ADGRL2: variants seen among roughly 807,000 people sequenced by gnomAD.
ADGRL2 encodes calcium-independent alpha-latrotoxin receptor 2.
In ADGRL2, 44 loss-of-function variants were observed where a neutral mutation model predicts 157.4. The ratio of observed to expected loss-of-function variants is 0.28; its 90% CI spans 0.22 to 0.36. The LOEUF (loss-of-function observed/expected upper bound fraction) is 0.36, where lower values mean the gene tolerates loss of function less well. Among genes scored for constraint, ADGRL2 ranks in the 10% least tolerant of loss-of-function variants. ADGRL2 has a pLI of 1.00. For missense variants in ADGRL2, 1,510 were observed against 1,768.9 expected, an observed-to-expected ratio of 0.85 and a Z score of 2.63; for synonymous variants, 585 against 624.7, an observed-to-expected ratio of 0.94 and a Z score of 0.95.
intron 2 of ADGRL2, chr1:81,503,586 T>G (rs1476360058): frequency 8.2e-7 from 1 of 1,213,210 alleles, no homozygotes; most frequent in Non-Finnish European, 1.2e-6. Flanking sequence ...GGCCAGACAT[T>G]GAGAGTTTGG....
intron 1 of ADGRL2, among the ~76,000 whole-genome samples, chr1:81,821,919 C>G (rs2091017356): frequency 6.6e-6 from 1 of 151,048 alleles, no homozygotes; most frequent in Admixed American, 6.6e-5. Context: ...GGAATGGTGG[C>G]AAGTTAGGAT....
chr1:81,658,726 A>G (rs1350211587), intron 3 of ADGRL2, among the ~76,000 whole-genome samples: 4 of 152,062 alleles, frequency 2.6e-5, no homozygotes, highest in African/African-American at 9.7e-5. Flanking sequence ...TTAATATGCA[A>G]CTAGCTCTAT....
intron 5 of ADGRL2, among the ~76,000 whole-genome samples, chr1:81,942,594 G>A (rs1397565115): frequency 6.6e-6 from 1 of 151,770 alleles, no homozygotes; most frequent in Non-Finnish European, 1.5e-5. Flanking sequence ...GTGAAGTAGG[G>A]GGTTGAAAGG....
intron 1 of ADGRL2, among the ~76,000 whole-genome samples, chr1:81,347,506 T>A (rs575992912): frequency 6.6e-6 from 1 of 152,292 alleles, no homozygotes; most frequent in South Asian, 2.1e-4. Flanking sequence ...GACTGAATTG[T>A]TTCCTAGTAT....
chr1:81,443,176 T>A (rs534490742), intron 1 of ADGRL2, among the ~76,000 whole-genome samples: 26 of 152,288 alleles, frequency 1.7e-4, no homozygotes, highest in Middle Eastern at 3.4e-3. Context: ...ATCCCAGCAC[T>A]TTGGGAGGCC....
intron 3 of ADGRL2, among the ~76,000 whole-genome samples, chr1:81,657,607 C>CACAAGTCAATTACA (rs1553136261): frequency 6.6e-6 from 1 of 152,090 alleles, no homozygotes; most frequent in East Asian, 1.9e-4. Context: ...CCAGGAGAAA[C>CACAAGTCAATTACA]AGAGTCAATT....
At chr1:81,840,276 T>G (rs546140702) in intron 2 of ADGRL2, among the ~76,000 whole-genome samples, 2 of 152,198 alleles carry the variant, frequency 1.3e-5, no homozygotes, top group African/African-American at 4.8e-5. Flanking sequence ...GGCAACTAAT[T>G]AAGATTTTGT....
chr1:81,834,309 C>A lies in ADGRL2; in HGVS notation c.-100-2576C>A, dbSNP rs572537283. 5.3e-5 allele frequency among the ~76,000 whole-genome samples: 8 copies of A among 152,188 alleles called. No individual in the cohort carries two copies. In the South Asian group the frequency reaches 1.7e-3, roughly 32 times the overall value. On this transcript the variant is annotated intron_variant, in intron 1 of 23. Coordinates refer to ENST00000686636, the MANE Select transcript of ADGRL2 (RefSeq NM_001366006.2). ...GTTTGTTGAAAGGAAATTTAATAGA[C>A]CTTTTCTGGTTTTGTTATTTGTTTT... is the stretch of plus-strand genomic sequence containing the variant.
Position 81,981,754 on chromosome 1 carries a change from A to T in ADGRL2, c.3114-54A>T. The T allele has an allele frequency of 3.0e-6, 4 of 1,354,438 alleles. No individual in the cohort carries two copies. The South Asian group carries it at 5.0e-5, about 17-fold the overall frequency. The allele number at this position is 1,354,438 out of a possible 1,614,324, so 83.9% of individuals were successfully genotyped here. ...ACTGATATGTTAACATTTAAGCGTGATGTGTGTTTTTTGCTCATTGAACCT... is the reference window on the plus strand; with the variant it reads ...ACTGATATGTTAACATTTAAGCGTGTTGTGTGTTTTTTGCTCATTGAACCT... On this transcript the variant is annotated intron_variant, in intron 18 of 23. Coordinates refer to ENST00000686636, the MANE Select transcript of ADGRL2 (RefSeq NM_001366006.2).
intron 2 of ADGRL2, among the ~76,000 whole-genome samples, chr1:81,553,576 C>T (rs984414410): frequency 6.6e-6 from 1 of 152,310 alleles, no homozygotes; most frequent in African/African-American, 2.4e-5. Flanking sequence ...CTTCATGACA[C>T]ACATCAATAC....
intron 3 of ADGRL2, among the ~76,000 whole-genome samples, chr1:81,589,281 C>T (rs535712750): frequency 7.2e-5 from 11 of 152,128 alleles, no homozygotes; most frequent in South Asian, 2.1e-4. Flanking sequence ...CCATATGGTC[C>T]ACAAAGATGA....
chr1:81,852,056 C>T (rs945340519), intron 2 of ADGRL2, among the ~76,000 whole-genome samples: 4 of 151,800 alleles, frequency 2.6e-5, no homozygotes, highest in Non-Finnish European at 4.4e-5. Context: ...GCTCAGTAAA[C>T]GTAAGAATTT....
At chr1:81,769,018 G>A (rs1176725244) in intron 2 of ADGRL2, among the ~76,000 whole-genome samples, 1 of 152,164 alleles carries the variant, frequency 6.6e-6, no homozygotes, top group Non-Finnish European at 1.5e-5. Flanking sequence ...CCAGGAGGCG[G>A]AGGTTGCTGA....
chr1:81,924,088 G>A (rs1351917058), intron 3 of ADGRL2, among the ~76,000 whole-genome samples: 1 of 152,140 alleles, frequency 6.6e-6, no homozygotes. Flanking sequence ...ATCCTGTTTG[G>A]CCAGCATCAT....
intron 1 of ADGRL2, among the ~76,000 whole-genome samples, chr1:81,699,997 C>T (rs989220695): frequency 3.3e-5 from 5 of 152,182 alleles, no homozygotes; most frequent in African/African-American, 9.7e-5. Context: ...CCTGCAATAG[C>T]TGTCGGTACA....
chr1:81,983,308 G>C (rs1312174857), intron 19 of ADGRL2, among the ~76,000 whole-genome samples: 1 of 151,900 alleles, frequency 6.6e-6, no homozygotes, highest in African/African-American at 2.4e-5. Context: ...GAGTTGTTAA[G>C]AATATGATAT....
chr1:81,396,646 T>TTATCATATATGG (rs1262735367), intron 1 of ADGRL2, among the ~76,000 whole-genome samples: 1 of 152,218 alleles, frequency 6.6e-6, no homozygotes, highest in Non-Finnish European at 1.5e-5. Context: ...TATATGGTCT[T>TTATCATATATGG]TATCGTGTTG....
At chr1:81,980,096 T>C in intron 18 of ADGRL2, 136 bp downstream of exon 18, 1 of 588,174 alleles carries the variant, frequency 1.7e-6, no homozygotes, top group Non-Finnish European at 3.0e-6. Flanking sequence ...TCAAGTTGAA[T>C]CTCAGTGTTA....
intron 3 of ADGRL2, among the ~76,000 whole-genome samples, chr1:81,656,130 G>T (rs931508853): frequency 6.6e-6 from 1 of 152,150 alleles, no homozygotes; most frequent in Non-Finnish European, 1.5e-5. Flanking sequence ...AACACTTTGT[G>T]GGAGGAGAGA....
Sources: allele counts gnomAD v4.1 joint callset (sites outside exome capture counted in the v4.1 genomes callset), GRCh38; gene constraint gnomAD v4.1.1; transcripts MANE v1.5; gene names NCBI Gene and HGNC (gene_info 2026-07-23, HGNC 2026-07-21).